Variants in UTRN observed in about 807,000 individuals in gnomAD.
UTRN encodes the protein dystrophin-related protein 1.
Under a neutral mutation model 463.9 loss-of-function variants are expected in UTRN, and 283 were observed. The observed-to-expected ratio is 0.61, with a 90% CI of 0.55 to 0.67. UTRN has a LOEUF of 0.67. Among genes scored for constraint, UTRN ranks in the 30% least tolerant of loss-of-function variants. The probability of loss-of-function intolerance (pLI) is 0.00; values close to 1 mark genes in which losing one functional copy is unlikely to be tolerated. For missense variants in UTRN, 3,922 were observed against 4,084.3 expected (o/e 0.96, Z 1.08); for synonymous variants, 1,442 against 1,431.5 (o/e 1.01, Z -0.17).
At position 144,286,346 on chromosome 6, in the gene UTRN, C is replaced by G. The variant is rs1432316489; in HGVS notation, c.-93+525C>G. Reference sequence around the variant, plus strand: ...GCTGTGTGGTCGGCGGCCAGCGGAGCGCTTCCCAGCCAGCCGCCCGGCGGG... The same window carrying G: ...GCTGTGTGGTCGGCGGCCAGCGGAGGGCTTCCCAGCCAGCCGCCCGGCGGG... On this transcript the variant is annotated intron_variant, in intron 1 of 74. Transcript: ENST00000367545. This position sits in a 1 kb window ranked among gnomAD's most constrained non-coding sequence, Gnocchi z 4.4. Among the ~76,000 whole-genome samples the G allele has an allele frequency of 6.6e-6, 1 of 151,880 alleles. No homozygotes were observed. The highest frequency in any genetic ancestry group is 1.5e-5 in the Non-Finnish European group (1 of 67,972).
chr6:144,670,229 A>G (rs1210950268), intron 51 of UTRN, among the ~76,000 whole-genome samples: 1 of 152,122 alleles, frequency 6.6e-6, no homozygotes, highest in Non-Finnish European at 1.5e-5. Context: ...TGGTTGTACT[A>G]GTTTATGCTC....
At chr6:144,317,021 T>C (rs6903169) in intron 2 of UTRN, among the ~76,000 whole-genome samples, 21,001 of 152,202 alleles carry the variant, frequency 0.14, 4,266 homozygotes, top group African/African-American at 0.44. Context: ...GCTTGCTCCC[T>C]TTGGTAAACT....
chr6:144,800,033 T>TC (rs1777573705), intron 64 of UTRN, among the ~76,000 whole-genome samples: 1 of 152,194 alleles, frequency 6.6e-6, no homozygotes, highest in African/African-American at 2.4e-5. Context: ...ATGGGAAAGA[T>TC]CCAGATTAAT....
At chr6:144,568,497 G>A (rs186321360) in intron 50 of UTRN, among the ~76,000 whole-genome samples, 2 of 152,128 alleles carry the variant, frequency 1.3e-5, no homozygotes, top group African/African-American at 2.4e-5. Context: ...TTCTTGAGAC[G>A]TAGCAGTCAG....
At chr6:144,503,331 G>C (rs748889048) in intron 34 of UTRN, among the ~76,000 whole-genome samples, 8 of 152,032 alleles carry the variant, frequency 5.3e-5, no homozygotes, top group Non-Finnish European at 1.2e-4. Flanking sequence ...GCCCATGCCA[G>C]TGTCCTGAAT....
At position 144,554,844 on chromosome 6, in the gene UTRN, T is replaced by A; in HGVS notation, c.7085T>A (p.Leu2362His). The A allele has an allele frequency of 1.2e-6, 2 of 1,614,044 alleles. No homozygotes were observed. Among genetic ancestry groups the A allele is most frequent in the Non-Finnish European group, 1.7e-6 (2 of 1,179,982 alleles). Residue 2362 changes from leucine to histidine, a missense_variant, in exon 49 of 75, where the codon CTT becomes CAT. Physicochemically the swap from Leu to His is moderately conservative, Grantham distance 99. Transcript: ENST00000367545. ...MRKYEARLYI[L>H]QQARRDPLTK... ...AAATATGAGGCTCGACTCTATATTC[T>A]TCAGCAAGCCCGACGGGATCCACTC...
rs369071531 is a variant in UTRN at position 144,678,584 on chromosome 6, A to C, written c.7652+6A>C. The C allele has an allele frequency of 6.3e-7, 1 of 1,591,200 alleles. No individual in the cohort carries two copies. ...GCAAAATCTGCTAGCATCAGGTCAG[A>C]ATAGTCAATATCAAAATAAAAATAA... On this transcript the variant is annotated splice_donor_region_variant and intron_variant, in intron 52 of 74. Coordinates refer to ENST00000367545, the MANE Select transcript of UTRN (RefSeq NM_007124.3).
chr6:144,286,462 G>T lies in UTRN; in HGVS notation c.-93+641G>T, dbSNP rs909262029. Among the ~76,000 whole-genome samples the T allele has an allele frequency of 1.3e-5, 2 of 152,194 alleles. No individual in the cohort carries two copies. The highest frequency in any genetic ancestry group is 4.8e-5 in the African/African-American group (2 of 41,452). Reference sequence around the variant, plus strand: ...CGCCAAGCTCCCTGGCAGCGGCCCTGGAGAGACTGAGGGGACAGGAGGAGG... The same window carrying T: ...CGCCAAGCTCCCTGGCAGCGGCCCTTGAGAGACTGAGGGGACAGGAGGAGG... On this transcript the variant is annotated intron_variant, in intron 1 of 74. Transcript: ENST00000367545. The surrounding 1 kb of genome is among the most constrained non-coding windows in gnomAD (Gnocchi z 4.4).
At chr6:144,495,044 C>T (rs1293559498) in intron 33 of UTRN, among the ~76,000 whole-genome samples, 5 of 152,182 alleles carry the variant, frequency 3.3e-5, no homozygotes, top group East Asian at 1.9e-4. Context: ...GACATAAAGA[C>T]TCTCCACGTC....
rs1796895476 is a variant in UTRN, at chr6:144,530,020, C to G, written c.5907-1032C>G. Among the ~76,000 whole-genome samples the G allele has an allele frequency of 2.0e-5, 3 of 152,294 alleles. No individual in the cohort carries two copies. In the South Asian group the frequency reaches 6.2e-4, roughly 32 times the overall value. ...AACAGAAATCTCAATAGCCCTCTGT[C>G]TTATTGCATAACGGGCTCTGCATGC... On this transcript the variant is annotated intron_variant, in intron 41 of 74. Transcript: ENST00000367545.
At chr6:144,490,281 G>A in intron 31 of UTRN, 82 bp downstream of exon 31, 1 of 1,526,896 alleles carries the variant, frequency 6.5e-7, no homozygotes, top group Non-Finnish European at 8.8e-7. Context: ...GATTACTTGG[G>A]CACCGTTTGT....
At chr6:144,410,612 A>G (rs950964396) in intron 3 of UTRN, among the ~76,000 whole-genome samples, 4 of 148,438 alleles carry the variant, frequency 2.7e-5, no homozygotes, top group African/African-American at 9.9e-5. Flanking sequence ...AGTCCATTGT[A>G]TCATTCTTAT....
rs551795162 is a variant in UTRN at position 144,640,371 on chromosome 6, A to C, written c.7480-38035A>C. Reference sequence around the variant, plus strand: ...GGACCGCCAAAGTCCAGTCCCAAACATGATACATTAAGTGTATCCCTTAGT... The same window carrying C: ...GGACCGCCAAAGTCCAGTCCCAAACCTGATACATTAAGTGTATCCCTTAGT... On this transcript the variant is annotated intron_variant, in intron 51 of 74. Transcript: ENST00000367545. Among the ~76,000 whole-genome samples, 358 of 152,324 alleles carry C rather than the reference A, an allele frequency of 2.4e-3. 2 individuals carry two copies. The highest frequency in any genetic ancestry group is 8.1e-3 in the African/African-American group (337 of 41,578).
chr6:144,724,809 A>G (rs111725897), intron 53 of UTRN, among the ~76,000 whole-genome samples: 13 of 152,316 alleles, frequency 8.5e-5, no homozygotes, highest in African/African-American at 3.1e-4. Flanking sequence ...TATTATGGAT[A>G]TATCACATTT....
intron 2 of UTRN, among the ~76,000 whole-genome samples, chr6:144,308,645 A>G (rs1181211116): frequency 6.6e-6 from 1 of 152,122 alleles, no homozygotes; most frequent in Admixed American, 6.5e-5. Context: ...AGAGGAATCC[A>G]GAAACTTCAA....
intron 24 of UTRN, 90 bp from the exon 25 acceptor site, chr6:144,474,514 T>TA: frequency 7.5e-7 from 1 of 1,342,094 alleles, no homozygotes; most frequent in Non-Finnish European, 1.0e-6. Flanking sequence ...TCTGCTTGTG[T>TA]AATATTTGCA....
intron 51 of UTRN, among the ~76,000 whole-genome samples, chr6:144,614,926 A>T (rs1295455548): frequency 2.0e-5 from 3 of 152,126 alleles, no homozygotes; most frequent in Non-Finnish European, 2.9e-5. Context: ...TCAATATATG[A>T]ACCTTTAAGA....
chr6:144,507,970 C>T (rs780174401), intron 34 of UTRN, among the ~76,000 whole-genome samples: 1 of 152,142 alleles, frequency 6.6e-6, no homozygotes, highest in East Asian at 1.9e-4. Context: ...AGTCTGGCTA[C>T]AGTTGCTTTT....
chr6:144,617,533 T>G (rs1187847340), intron 51 of UTRN, among the ~76,000 whole-genome samples: 1 of 152,174 alleles, frequency 6.6e-6, no homozygotes, highest in Non-Finnish European at 1.5e-5. Context: ...ACCAGAACTA[T>G]GAGTATTGAT....
Sources: gnomAD v4.1 joint callset for allele counts (sites outside exome capture counted in the v4.1 genomes callset) on GRCh38, gnomAD v4.1.1 for gene constraint, Gnocchi (gnomAD v3.1) non-coding constraint, MANE v1.5 for transcripts, NCBI Gene and HGNC (gene_info 2026-07-23, HGNC 2026-07-21) for gene names.